TNRC18: variants seen among roughly 807,000 people sequenced by gnomAD.
The protein encoded by TNRC18 is trinucleotide repeat containing 18, also known as trinucleotide repeat-containing gene 18 protein.
In TNRC18, 69 loss-of-function variants were observed where a neutral mutation model predicts 226.7. That is an observed-to-expected ratio of 0.30 (90% CI 0.25 to 0.37). The LOEUF (loss-of-function observed/expected upper bound fraction) is 0.37, where lower values mean the gene tolerates loss of function less well. Among genes scored for constraint, TNRC18 ranks in the 10% least tolerant of loss-of-function variants. TNRC18 has a pLI of 1.00. For synonymous variants in TNRC18, 2,449 were observed against 1,927.6 expected, an observed-to-expected ratio of 1.27 and a Z score of -7.09; for missense variants, 4,754 against 4,256.6, an observed-to-expected ratio of 1.12 and a Z score of -3.25.
chr7:5,389,124 C>T lies in TNRC18; in HGVS notation c.700G>A (p.Gly234Arg). ...DPRARGEEAS[G>R]PRGVVDLTQE... is the part of the protein sequence containing the mutation. ...GTCAGGTCCACCACGCCCCGTGGCC[C>T]CGAGGCCTCCTCGCCCCGGGCGCGC... The change falls in exon 5 of 30, where the codon GGG becomes AGG. Residue 234 changes from glycine (G) to arginine (R), a missense_variant. Gly to Arg is a moderately radical substitution (Grantham distance 125). Coordinates refer to ENST00000430969, the MANE Select transcript of TNRC18 (RefSeq NM_001080495.3). 1 of 1,320,232 alleles carries T rather than the reference C, an allele frequency of 7.6e-7. No individual in the cohort carries two copies. The highest frequency in any genetic ancestry group is 1.7e-5 in the South Asian group (1 of 59,400). 81.8% of individuals were successfully genotyped at this position (1,320,232 alleles called of 1,614,324 possible).
chr7:5,325,572 C>T (rs1354778350), intron 19 of TNRC18: 4 of 297,142 alleles, frequency 1.3e-5, no homozygotes, highest in South Asian at 3.4e-5. Flanking sequence ...TACAGGCACC[C>T]GCCACCACAC....
At chr7:5,345,517 G>GGGGGGGGGGGGCCCCCCCCCCCCCCCCC in intron 18 of TNRC18, 45 bp downstream of exon 18, 9 of 377,740 alleles carry the variant, frequency 2.4e-5, no homozygotes, top group Non-Finnish European at 3.9e-5. Flanking sequence ...AATGGCGTCC[G>GGGGGGGGGGGGCCCCCCCCCCCCCCCCC]CCCCTCCCAC....
In TNRC18 at chr7:5,312,676, G is replaced by A. The variant is rs1207099596; in HGVS notation, c.8215C>T (p.Pro2739Ser). 2 of 1,603,010 alleles carry A rather than the reference G, an allele frequency of 1.2e-6. No individual in the cohort carries two copies. The highest frequency in any genetic ancestry group is 1.1e-5 in the South Asian group (1 of 90,636). ...CTCTTGGCCCCGGCCTGAGCCTTGG[G>A]CTGCAGAGGCTGTGTGGGCTGCGGA... is the stretch of plus-strand genomic sequence containing the variant. ...PPPQPTQPLQ[P>S]KAQAGAKSRP... The change falls in exon 27 of 30, where the codon CCC (proline) becomes TCC (serine). Residue 2739 changes from proline to serine, a missense_variant. By Grantham distance (74) the Pro-to-Ser change is moderately conservative. Coordinates refer to ENST00000430969, the MANE Select transcript of TNRC18 (RefSeq NM_001080495.3). This position sits in a 1 kb window ranked among gnomAD's most constrained non-coding sequence, Gnocchi z 6.3.
In TNRC18 at chr7:5,376,046, G is replaced by A. The variant is rs373781742; in HGVS notation, c.2787C>T (p.Ser929=). The A allele has an allele frequency of 4.8e-5, 77 of 1,594,090 alleles. No individual in the cohort carries two copies. Among genetic ancestry groups the A allele is most frequent in the Middle Eastern group, 2.0e-4 (1 of 4,996 alleles). The change falls in exon 9 of 30, where the codon AGC becomes AGT. Residue 929 remains serine (S), a synonymous_variant. Coordinates refer to ENST00000430969, the MANE Select transcript of TNRC18 (RefSeq NM_001080495.3). ...QAAQALELQR[S]AQLVQERLKA... is the part of the protein sequence containing the mutation. ...CTCCCCGACTTACCACGAGCTGGGC[G>A]CTCCTCTGCAGTTCCAAGGCCTGGG... is the stretch of plus-strand genomic sequence containing the variant.
chr7:5,342,901 C>G (rs1010212548), intron 18 of TNRC18, among the ~76,000 whole-genome samples: 1 of 152,130 alleles, frequency 6.6e-6, no homozygotes, highest in Non-Finnish European at 1.5e-5. Flanking sequence ...ACAGCCACCC[C>G]AACTGTCAGC....
intron 2 of TNRC18, among the ~76,000 whole-genome samples, chr7:5,395,261 C>A (rs1379096141): frequency 6.6e-6 from 1 of 152,186 alleles, no homozygotes; most frequent in Non-Finnish European, 1.5e-5. Flanking sequence ...GGGAATGAAT[C>A]CGTGATGAAT....
intron 15 of TNRC18, among the ~76,000 whole-genome samples, chr7:5,357,803 G>C (rs1039254120): frequency 1.3e-5 from 2 of 152,140 alleles, no homozygotes; most frequent in African/African-American, 4.8e-5. Context: ...GTGTAACTCT[G>C]TAAAATGGGG....
chr7:5,330,713 G>A lies in TNRC18; in HGVS notation c.6147+1909C>T, dbSNP rs1289428113. Reference sequence around the variant, plus strand: ...TTTGGAGACAGAGTCTCACTCTGTCGCCCAGGCTGGAGTGCAGTGGCACAA... The same window carrying A: ...TTTGGAGACAGAGTCTCACTCTGTCACCCAGGCTGGAGTGCAGTGGCACAA... On this transcript the variant is annotated intron_variant, in intron 19 of 29. Coordinates refer to ENST00000430969, the MANE Select transcript of TNRC18 (RefSeq NM_001080495.3). 3.3e-5 allele frequency among the ~76,000 whole-genome samples: 5 copies of A among 152,090 alleles called. No individual in the cohort carries two copies. The South Asian group carries it at 8.3e-4, about 25-fold the overall frequency.
At chr7:5,392,731 G>T (rs147354677) in intron 3 of TNRC18, among the ~76,000 whole-genome samples, 2 of 152,204 alleles carry the variant, frequency 1.3e-5, no homozygotes, top group African/African-American at 4.8e-5. Context: ...TAATAGGCCG[G>T]GCACAGTGGC....
At chr7:5,351,702 G>C (rs745669651) in intron 17 of TNRC18, 117 bp downstream of exon 17, 1 of 1,201,442 alleles carries the variant, frequency 8.3e-7, no homozygotes, top group Non-Finnish European at 1.1e-6. Flanking sequence ...GCGGCCATCC[G>C]CACGGGCCTC....
Position 5,388,673 on chromosome 7 carries a change from C to T in TNRC18, c.1151G>A (p.Arg384His), listed in dbSNP as rs1332775837. 15 of 1,267,730 alleles carry T rather than the reference C, an allele frequency of 1.2e-5. No homozygotes were observed. Among genetic ancestry groups the T allele is most frequent in the Non-Finnish European group, 1.5e-5 (15 of 1,004,300 alleles). 78.5% of individuals were successfully genotyped at this position (1,267,730 alleles called of 1,614,324 possible). Reference sequence around the variant, plus strand: ...GGATGCGATCTGGATGGGCCCCGGGCGCTCGTCGAAGGCCTCCACGGAAGG... The same window carrying T: ...GGATGCGATCTGGATGGGCCCCGGGTGCTCGTCGAAGGCCTCCACGGAAGG... Reference protein sequence around the residue: ...FVPSVEAFDERPGPIQIASQA... With the variant: ...FVPSVEAFDEHPGPIQIASQA... The change falls in exon 5 of 30, where the codon CGC becomes CAC. Residue 384 changes from arginine (R) to histidine (H), a missense_variant. By Grantham distance (29) the Arg-to-His change is conservative (BLOSUM62 0). Coordinates refer to ENST00000430969, the MANE Select transcript of TNRC18 (RefSeq NM_001080495.3).
chr7:5,393,533 G>A (rs1050477697), intron 3 of TNRC18, among the ~76,000 whole-genome samples: 10 of 152,162 alleles, frequency 6.6e-5, no homozygotes, highest in South Asian at 2.1e-4. Context: ...GGGGAGGGCC[G>A]GAAGAGCCCT....
intron 2 of TNRC18, among the ~76,000 whole-genome samples, chr7:5,412,112 C>A (rs1472939057): frequency 6.6e-6 from 1 of 151,752 alleles, no homozygotes; most frequent in African/African-American, 2.4e-5. Context: ...TCATTTGAGC[C>A]CAGGAGGTTG....
rs1325372210 is a variant in TNRC18 at position 5,418,241 on chromosome 7, C to T, written c.187+2819G>A. On this transcript the variant is annotated intron_variant, in intron 2 of 29. Coordinates refer to ENST00000430969, the MANE Select transcript of TNRC18 (RefSeq NM_001080495.3). ...TTACATGCCCATCTCCCAGATCAGG[C>T]TGTGAATATTTTGTTCACAATGTAG... 2.6e-5 allele frequency among the ~76,000 whole-genome samples: 4 copies of T among 152,222 alleles called. No homozygotes were observed. In the East Asian group the frequency reaches 5.8e-4, roughly 22 times the overall value.
chr7:5,349,069 C>A (rs1478611197), intron 17 of TNRC18, among the ~76,000 whole-genome samples: 1 of 152,220 alleles, frequency 6.6e-6, no homozygotes, highest in African/African-American at 2.4e-5. Flanking sequence ...CAGAGGAATT[C>A]TCAAGCAGCT....
At chr7:5,355,476 T>G (rs1792264664) in intron 16 of TNRC18, among the ~76,000 whole-genome samples, 1 of 152,130 alleles carries the variant, frequency 6.6e-6, no homozygotes, top group East Asian at 1.9e-4. Flanking sequence ...AAAATAAAAA[T>G]AGTAGTAGTG....
intron 17 of TNRC18, among the ~76,000 whole-genome samples, chr7:5,347,695 G>A (rs8180831): frequency 0.3 from 45,166 of 150,958 alleles, 8,067 homozygotes; most frequent in East Asian, 0.63. Context: ...AGTGGCTCAC[G>A]CCTGTAATCC....
At chr7:5,391,184 C>T (rs1346032301) in intron 3 of TNRC18, among the ~76,000 whole-genome samples, 1 of 152,050 alleles carries the variant, frequency 6.6e-6, no homozygotes. Flanking sequence ...TCTTCAGCTG[C>T]TGGGTCTCCC....
intron 10 of TNRC18, 125 bp from the exon 11 acceptor site, chr7:5,371,489 G>T: frequency 1.6e-6 from 2 of 1,265,488 alleles, no homozygotes; most frequent in Non-Finnish European, 1.0e-6. Context: ...CCCAGCTACA[G>T]GGTGGGAGCT....
Sources: gnomAD v4.1 joint callset for allele counts (sites outside exome capture counted in the v4.1 genomes callset) on GRCh38, gnomAD v4.1.1 for gene constraint, Gnocchi (gnomAD v3.1) non-coding constraint, MANE v1.5 for transcripts, NCBI Gene and HGNC (gene_info 2026-07-23, HGNC 2026-07-21) for gene names.